TARBP1: variants seen among roughly 807,000 people sequenced by gnomAD.
TARBP1 encodes tRNA guanosine 2 -O-methyltransferase TARBP1, also known as tRNA (guanosine(18)-2'-O)-methyltransferase TARBP1.
TARBP1 carries 144 observed loss-of-function variants against 178.6 expected under a neutral mutation model. The observed-to-expected ratio is 0.81, with a 90% CI of 0.70 to 0.93. The LOEUF (loss-of-function observed/expected upper bound fraction) is 0.93, where lower values mean the gene tolerates loss of function less well. TARBP1 is among the 40% of genes least tolerant of loss of function. TARBP1 has a pLI of 0.00. For synonymous variants in TARBP1, 787 were observed against 781.0 expected (o/e 1.01, Z -0.13); for missense variants, 2,067 against 2,011.7 (o/e 1.03, Z -0.53).
chr1:234,451,766 A>AAAAC lies in TARBP1; in HGVS notation c.1723-1201_1723-1200insGTTT, dbSNP rs57636903. On this transcript the variant is annotated intron_variant, in intron 9 of 29. Coordinates refer to ENST00000040877, the MANE Select transcript of TARBP1 (RefSeq NM_005646.4). ...TCCGTCTCAAAAAAAAAAAAAAAAA[A>AAAAC]TGATGAATGACTGGATCATCGAAGT... 1.2e-3 allele frequency among the ~76,000 whole-genome samples: 21 copies of AAAAC among 17,166 alleles called. 8 individuals carry two copies. The highest frequency in any genetic ancestry group is 0.016 in the East Asian group (2 of 124). The allele number at this position is 17,166 out of a possible 152,430, so 11.3% of individuals were successfully genotyped here.
intron 23 of TARBP1, chr1:234,407,898 T>G (rs1661423443): frequency 6.6e-6 from 1 of 152,154 alleles, no homozygotes; most frequent in African/African-American, 2.4e-5. Flanking sequence ...TCTCCAGCGA[T>G]CCCTGGTTCG....
At chr1:234,400,167 CAT>C (rs1341448502) in intron 25 of TARBP1, 6 of 151,512 alleles carry the variant, frequency 4.0e-5, no homozygotes, top group African/African-American at 1.5e-4. Context: ...AATCATAAAA[CAT>C]ATGAGAGTGA....
At chr1:234,464,435 C>T (rs531286814) in intron 5 of TARBP1, among the ~76,000 whole-genome samples, 2 of 152,222 alleles carry the variant, frequency 1.3e-5, no homozygotes, top group South Asian at 2.1e-4. Context: ...CTTCCAGGAA[C>T]ATTATCTGCT....
chr1:234,429,423 A>T lies in TARBP1; in HGVS notation c.2864T>A (p.Val955Asp), dbSNP rs747121331. The T allele has an allele frequency of 6.2e-7, 1 of 1,610,386 alleles. No individual in the cohort carries two copies. The highest frequency in any genetic ancestry group is 1.1e-5 in the South Asian group (1 of 90,314). Reference protein sequence around the residue: ...LPVFHCLKVLVPKLLTSSESL... With the variant: ...LPVFHCLKVLDPKLLTSSESL... ...TGTTTCACTCTATCTTACCTTGGGA[A>T]CCAACACTTTCAAGCAATGGAACAC... The change falls in exon 16 of 30, where the codon GTT becomes GAT. Residue 955 changes from valine (V) to aspartate (D), a missense_variant. Coordinates refer to ENST00000040877, the MANE Select transcript of TARBP1 (RefSeq NM_005646.4).
At chr1:234,412,421 CAAA>C (rs746099418) in intron 22 of TARBP1, among the ~76,000 whole-genome samples, 1 of 92,404 alleles carries the variant, frequency 1.1e-5, no homozygotes. Context: ...GACGCCGTCT[CAAA>C]AAAAAAAAAA....
At chr1:234,454,005 A>C (rs1667050889) in intron 9 of TARBP1, among the ~76,000 whole-genome samples, 1 of 152,246 alleles carries the variant, frequency 6.6e-6, no homozygotes, top group Admixed American at 6.5e-5. Context: ...AATTAAGGGG[A>C]ACAGATGAAG....
intron 12 of TARBP1, 31 bp downstream of exon 12, chr1:234,446,772 C>A: frequency 6.2e-7 from 1 of 1,605,336 alleles, no homozygotes; most frequent in Non-Finnish European, 8.5e-7. Context: ...CTATATCAAG[C>A]AAGATACCAA....
intron 1 of TARBP1, among the ~76,000 whole-genome samples, chr1:234,477,055 C>T (rs1669633101): frequency 6.6e-6 from 1 of 152,312 alleles, no homozygotes; most frequent in South Asian, 2.1e-4. Flanking sequence ...CATGGTGGCG[C>T]ATGCCTGTAA....
chr1:234,409,947 G>A (rs1333579305), intron 23 of TARBP1, among the ~76,000 whole-genome samples: 1 of 152,122 alleles, frequency 6.6e-6, no homozygotes, highest in Non-Finnish European at 1.5e-5. Context: ...GAACTTACAG[G>A]GGAAATTGTT....
At position 234,391,315 on chromosome 1, in the gene TARBP1, C is replaced by A. The variant is rs1331884852; in HGVS notation, c.*262G>T. On this transcript the variant is annotated 3_prime_UTR_variant, in exon 30 of 30. Coordinates refer to ENST00000040877, the MANE Select transcript of TARBP1 (RefSeq NM_005646.4). ...AAAAGGCGTTTCTAGGAAATAAATT[C>A]TCTCTTAAAAAATCCATTGTTTTAT... The A allele has an allele frequency of 1.3e-5, 4 of 316,504 alleles. No homozygotes were observed. Among genetic ancestry groups the A allele is most frequent in the South Asian group, 7.6e-5 (1 of 13,112 alleles). The allele number at this position is 316,504 out of a possible 1,614,324, so 19.6% of individuals were successfully genotyped here. A position where few individuals can be genotyped will look rare whatever the true frequency, so the allele number is the denominator to read the frequency against.
intron 11 of TARBP1, 123 bp downstream of exon 11, chr1:234,448,357 T>A: frequency 1.3e-6 from 1 of 749,134 alleles, no homozygotes; most frequent in East Asian, 2.6e-5. Flanking sequence ...CTGTTAATGT[T>A]CTAGTACCTT....
In TARBP1 at chr1:234,478,961, GCCT is replaced by G. The variant is rs966858948; in HGVS notation, c.140_142del (p.Glu47del). The G allele has an allele frequency of 3.1e-5, 46 of 1,464,150 alleles. No individual in the cohort carries two copies. Among genetic ancestry groups the G allele is most frequent in the Admixed American group, 5.2e-5 (2 of 38,684 alleles). 90.7% of individuals were successfully genotyped at this position (1,464,150 alleles called of 1,614,324 possible). A position where few individuals can be genotyped will look rare whatever the true frequency, so the allele number is the denominator to read the frequency against. The stretch of plus-strand genomic sequence containing the variant: ...CGCGCCTGCGCCCCCGCTGCCGCGC[GCCT>G]CCTCGTCCTCGAGCCGCTGCAGAAG... On this transcript the variant is annotated inframe_deletion, in exon 1 of 30. Transcript: ENST00000040877.
At chr1:234,443,490 G>A (rs75478742) in intron 12 of TARBP1, among the ~76,000 whole-genome samples, 38 of 152,242 alleles carry the variant, frequency 2.5e-4, no homozygotes, top group African/African-American at 8.2e-4. Context: ...TGGAGAGGAT[G>A]TGGAAAAACT....
chr1:234,466,567 A>AAAG (rs71576428), intron 4 of TARBP1, among the ~76,000 whole-genome samples: 2,198 of 150,920 alleles, frequency 0.015, 49 homozygotes, highest in African/African-American at 0.051. Flanking sequence ...TTCTTTTAAA[A>AAAG]AAGAAGAAGA....
intron 10 of TARBP1, 37 bp from the exon 11 acceptor site, chr1:234,448,616 C>T: frequency 1.3e-6 from 2 of 1,527,142 alleles, no homozygotes; most frequent in Non-Finnish European, 1.8e-6. Flanking sequence ...AAAGCATTAA[C>T]AAAATCCTTC....
Position 234,473,176 on chromosome 1 carries a change from C to A in TARBP1, c.932-365G>T, listed in dbSNP as rs574437562. On this transcript the variant is annotated intron_variant, in intron 1 of 29. Transcript: ENST00000040877. ...ACAGAATCTGAAAATCAGATGAAAACCAAGTTGACTCAAGTCATGAGAATT... is the reference window on the plus strand; with the variant it reads ...ACAGAATCTGAAAATCAGATGAAAAACAAGTTGACTCAAGTCATGAGAATT... Among the ~76,000 whole-genome samples, 5 of 152,262 alleles carry A rather than the reference C, an allele frequency of 3.3e-5. No individual in the cohort carries two copies. In the South Asian group the frequency reaches 1.0e-3, roughly 32 times the overall value.
intron 26 of TARBP1, among the ~76,000 whole-genome samples, chr1:234,394,053 TA>T (rs763000806): frequency 2.6e-5 from 4 of 152,216 alleles, no homozygotes; most frequent in Non-Finnish European, 5.9e-5. Flanking sequence ...TCAGCTTTAT[TA>T]ACCAACATAT....
Position 234,450,658 on chromosome 1 carries a change from T to C in TARBP1, c.1723-92A>G, listed in dbSNP as rs577577579. On this transcript the variant is annotated intron_variant, in intron 9 of 29. Transcript: ENST00000040877. ...TAAGCCACGTTTCTTTCTTTCACGATAAACCAAATTTAAATAATCGAATAC... is the reference window on the plus strand; with the variant it reads ...TAAGCCACGTTTCTTTCTTTCACGACAAACCAAATTTAAATAATCGAATAC... 4 of 1,363,802 alleles carry C rather than the reference T, an allele frequency of 2.9e-6. No individual in the cohort carries two copies. The East Asian group carries it at 9.9e-5, about 34-fold the overall frequency. 84.5% of individuals were successfully genotyped at this position (1,363,802 alleles called of 1,614,324 possible). A position where few individuals can be genotyped will look rare whatever the true frequency, so the allele number is the denominator to read the frequency against.
At chr1:234,459,693 TC>T (rs932587286) in intron 7 of TARBP1, among the ~76,000 whole-genome samples, 2 of 151,760 alleles carry the variant, frequency 1.3e-5, no homozygotes, top group Non-Finnish European at 2.9e-5. Context: ...ACACCTTTAA[TC>T]CCAGCTACTT....
Sources: gnomAD v4.1 joint callset for allele counts (sites outside exome capture counted in the v4.1 genomes callset) on GRCh38, gnomAD v4.1.1 for gene constraint, MANE v1.5 for transcripts, NCBI Gene and HGNC (gene_info 2026-07-23, HGNC 2026-07-21) for gene names.